AVEN: variants seen among roughly 807,000 people sequenced by gnomAD.
The protein encoded by AVEN is apoptosis and caspase activation inhibitor.
In AVEN, 41 loss-of-function variants were observed where a neutral mutation model predicts 38.1. That is an observed-to-expected ratio of 1.08 (90% CI 0.84 to 1.40). The LOEUF is 1.40. Ranked by LOEUF, AVEN falls within the 40% of genes most tolerant of loss-of-function variation. The pLI, the probability that AVEN is intolerant of heterozygous loss-of-function variation, is 0.00. For missense variants in AVEN, 605 were observed against 438.8 expected (o/e 1.38, Z -3.38); for synonymous variants, 206 against 171.8 (o/e 1.20, Z -1.56).
intron 1 of AVEN, among the ~76,000 whole-genome samples, chr15:34,008,910 TTTG>T (rs1177890523): frequency 2.0e-5 from 3 of 147,246 alleles, no homozygotes; most frequent in Non-Finnish European, 3.0e-5. Context: ...CCCACTCCAT[TTTG>T]TTAAGATAAA....
At chr15:33,964,105 T>TG (rs1447245901) in intron 2 of AVEN, among the ~76,000 whole-genome samples, 1 of 38,776 alleles carries the variant, frequency 2.6e-5, no homozygotes, top group South Asian at 2.9e-3. Flanking sequence ...AAGTCCTTAC[T>TG]TAAAAAAAAA....
chr15:34,014,327 G>A lies in AVEN; in HGVS notation c.268-11118C>T, dbSNP rs148689341. On this transcript the variant is annotated intron_variant, in intron 1 of 5. Transcript: ENST00000306730. ...TACAGTGAGCCAAGATTGTGCCATT[G>A]CACTCCAGCTTAAGCAACAAGAGCG... Among the ~76,000 whole-genome samples, 85 of 129,474 alleles carry A rather than the reference G, an allele frequency of 6.6e-4. No homozygotes were observed. In the East Asian group the frequency reaches 0.015, roughly 22 times the overall value. 84.9% of individuals were successfully genotyped at this position (129,474 alleles called of 152,430 possible).
intron 2 of AVEN, among the ~76,000 whole-genome samples, chr15:33,933,750 G>GGAGTTCAA (rs1374723238): frequency 1.3e-5 from 2 of 152,174 alleles, no homozygotes; most frequent in African/African-American, 4.8e-5. Context: ...CCTGAGGCCG[G>GGAGTTCAA]GAGTTCAAGA....
chr15:33,928,503 G>C (rs539428697), intron 2 of AVEN, among the ~76,000 whole-genome samples: 1 of 152,286 alleles, frequency 6.6e-6, no homozygotes, highest in East Asian at 1.9e-4. Context: ...TGCCTTATGA[G>C]GACTAATTAA....
rs1891199079 is a variant in AVEN, at chr15:33,875,802, G to A, written c.516+123C>T. On this transcript the variant is annotated intron_variant, in intron 3 of 5. Coordinates refer to ENST00000306730, the MANE Select transcript of AVEN (RefSeq NM_020371.3). Reference sequence around the variant, plus strand: ...TGAAAATTTTCTGAAAAGTTTAGCTGAGGGTACACTGTAAGAATTACTACT... The same window carrying A: ...TGAAAATTTTCTGAAAAGTTTAGCTAAGGGTACACTGTAAGAATTACTACT... 7.7e-6 allele frequency: 7 copies of A among 909,020 alleles called. No individual in the cohort carries two copies. In the East Asian group the frequency reaches 8.0e-5, roughly 10 times the overall value. The allele number at this position is 909,020 out of a possible 1,614,324, so 56.3% of individuals were successfully genotyped here.
chr15:33,934,208 TA>T (rs1275492586), intron 2 of AVEN, among the ~76,000 whole-genome samples: 2 of 86,110 alleles, frequency 2.3e-5, no homozygotes, highest in Non-Finnish European at 5.8e-5. Flanking sequence ...ACCCCATCTC[TA>T]CAAAAAAAAA....
chr15:33,911,200 C>CAT (rs1215163737), intron 2 of AVEN, among the ~76,000 whole-genome samples: 2 of 152,148 alleles, frequency 1.3e-5, no homozygotes, highest in African/African-American at 4.8e-5. Flanking sequence ...CTGCCAATAC[C>CAT]ATATTAAGTA....
intron 4 of AVEN, chr15:34,064,818 T>C (rs980503511): frequency 1.1e-5 from 2 of 185,576 alleles, no homozygotes; most frequent in African/African-American, 4.8e-5. Context: ...TCTAAGAATA[T>C]GTATCTTCAT....
At chr15:33,910,895 T>C (rs1235515910) in intron 2 of AVEN, among the ~76,000 whole-genome samples, 1 of 152,182 alleles carries the variant, frequency 6.6e-6, no homozygotes, top group Non-Finnish European at 1.5e-5. Flanking sequence ...CATTTTCCCA[T>C]ATACAAAATG....
intron 3 of AVEN, chr15:34,066,234 A>G (rs1453517607): frequency 1.3e-5 from 2 of 152,246 alleles, no homozygotes; most frequent in South Asian, 2.1e-4. Flanking sequence ...CCGTGATGCC[A>G]ACTGGGTGTG....
intron 4 of AVEN, chr15:34,064,015 T>TCAAAGG (rs1401575496): frequency 6.2e-7 from 1 of 1,614,100 alleles, no homozygotes. Context: ...AAGAGAGTGG[T>TCAAAGG]CCTAGTCAAA....
intron 5 of AVEN, among the ~76,000 whole-genome samples, chr15:34,050,831 G>A (rs1350670868): frequency 2.0e-5 from 3 of 152,070 alleles, no homozygotes; most frequent in Non-Finnish European, 4.4e-5. Flanking sequence ...CCCAATACAG[G>A]AGCACCCAGA....
chr15:33,877,885 G>A (rs1255612122), intron 2 of AVEN, among the ~76,000 whole-genome samples: 2 of 152,104 alleles, frequency 1.3e-5, no homozygotes, highest in African/African-American at 2.4e-5. Context: ...GGAGGCGGAG[G>A]TTGCAGTGAG....
chr15:33,914,336 G>A (rs575863657), intron 2 of AVEN, among the ~76,000 whole-genome samples: 25 of 152,174 alleles, frequency 1.6e-4, no homozygotes, highest in African/African-American at 5.1e-4. Context: ...GCACGTATGC[G>A]CACAGATGCC....
downstream of AVEN, chr15:33,856,047 A>C (rs1686172556): frequency 6.6e-6 from 1 of 152,188 alleles, no homozygotes; most frequent in African/African-American, 2.4e-5. Context: ...CCTCACAACT[A>C]CCTGGTAAGG....
At chr15:33,972,143 T>C (rs919448628) in intron 2 of AVEN, 7 of 152,116 alleles carry the variant, frequency 4.6e-5, no homozygotes, top group Non-Finnish European at 7.4e-5. Flanking sequence ...GTTTTCTCAT[T>C]AATAATTCAA....
intron 2 of AVEN, among the ~76,000 whole-genome samples, chr15:33,983,061 C>T (rs6495419): frequency 0.26 from 39,955 of 151,006 alleles, 7,335 homozygotes; most frequent in African/African-American, 0.5. Context: ...TTCTGAGCAA[C>T]GGATTTTAGA....
At chr15:33,900,081 C>T (rs1181193011) in intron 2 of AVEN, among the ~76,000 whole-genome samples, 5 of 152,132 alleles carry the variant, frequency 3.3e-5, no homozygotes, top group Admixed American at 2.6e-4. Flanking sequence ...CTAGTGTCTA[C>T]ATCTGTATTT....
chr15:34,070,719 T>C (rs1240138519), intron 1 of AVEN, among the ~76,000 whole-genome samples: 1 of 152,118 alleles, frequency 6.6e-6, no homozygotes, highest in East Asian at 1.9e-4. Flanking sequence ...ATACACCAAG[T>C]AGAACAAGTT....
Sources: gnomAD v4.1 joint callset for allele counts (sites outside exome capture counted in the v4.1 genomes callset) on GRCh38, gnomAD v4.1.1 for gene constraint, MANE v1.5 for transcripts, NCBI Gene and HGNC (gene_info 2026-07-23, HGNC 2026-07-21) for gene names.